The following LSAMP variants were observed in gnomAD, a reference collection of about 807,000 sequenced individuals.
LSAMP encodes limbic system-associated membrane protein.
In LSAMP, 7 loss-of-function variants were observed where a neutral mutation model predicts 38.6. The observed-to-expected ratio is 0.18, with a 90% CI of 0.10 to 0.34. LSAMP has a LOEUF of 0.34. Ranked by LOEUF, LSAMP falls within the 10% of genes least tolerant of loss-of-function variation. LSAMP has a pLI of 1.00. For missense variants in LSAMP, 313 were observed against 420.0 expected, an observed-to-expected ratio of 0.75 and a Z score of 2.23; for synonymous variants, 154 against 166.8, an observed-to-expected ratio of 0.92 and a Z score of 0.59.
chr3:115,906,739 A>C (rs1249603740), intron 3 of LSAMP, among the ~76,000 whole-genome samples: 3 of 152,170 alleles, frequency 2.0e-5, no homozygotes, highest in East Asian at 1.9e-4. Flanking sequence ...GCAGGTGCCC[A>C]TTGAATGTTA....
intron 2 of LSAMP, among the ~76,000 whole-genome samples, chr3:116,076,108 G>C (rs376763716): frequency 6.6e-6 from 1 of 152,024 alleles, no homozygotes; most frequent in African/African-American, 2.4e-5. Flanking sequence ...CACTTTCTCC[G>C]TTATGTTAAA....
chr3:116,208,932 T>C (rs2046110938), intron 1 of LSAMP, among the ~76,000 whole-genome samples: 2 of 152,218 alleles, frequency 1.3e-5, no homozygotes, highest in African/African-American at 4.8e-5. Flanking sequence ...CTCCACCCAG[T>C]TGGAGCTTCC....
intron 6 of LSAMP, among the ~76,000 whole-genome samples, chr3:115,824,486 A>T (rs1181586874): frequency 6.6e-6 from 1 of 152,138 alleles, no homozygotes; most frequent in Non-Finnish European, 1.5e-5. Flanking sequence ...GCAGATCACG[A>T]GGTCAGGAGT....
intron 1 of LSAMP, among the ~76,000 whole-genome samples, chr3:116,358,751 G>A (rs2048261048): frequency 6.6e-6 from 1 of 152,018 alleles, no homozygotes. Flanking sequence ...AAAAATGTGA[G>A]TCACTCAAAT....
chr3:115,930,865 G>A (rs192952730), intron 3 of LSAMP, among the ~76,000 whole-genome samples: 1 of 152,056 alleles, frequency 6.6e-6, no homozygotes, highest in Non-Finnish European at 1.5e-5. Flanking sequence ...TCTTCCTTGG[G>A]ATGAGGATCT....
intron 1 of LSAMP, among the ~76,000 whole-genome samples, chr3:116,256,503 T>C (rs955744874): frequency 6.6e-6 from 1 of 152,180 alleles, no homozygotes; most frequent in African/African-American, 2.4e-5. Context: ...GAAGAATTGG[T>C]TGAAAGAAGT....
chr3:116,287,810 T>A (rs1419926172), intron 1 of LSAMP, among the ~76,000 whole-genome samples: 2 of 152,208 alleles, frequency 1.3e-5, no homozygotes, highest in East Asian at 3.9e-4. Context: ...TGCAGATTTC[T>A]CTGCCTGCTC....
intron 3 of LSAMP, among the ~76,000 whole-genome samples, chr3:115,998,554 G>C (rs1489167603): frequency 6.6e-6 from 1 of 152,030 alleles, no homozygotes; most frequent in Non-Finnish European, 1.5e-5. Flanking sequence ...CATTGTCCTT[G>C]ACCCAGAAGT....
chr3:116,283,549 C>T (rs774924475), intron 1 of LSAMP, among the ~76,000 whole-genome samples: 7 of 152,038 alleles, frequency 4.6e-5, no homozygotes, highest in East Asian at 1.9e-4. Flanking sequence ...CATCTGGCTA[C>T]GTTACTTTAG....
intron 1 of LSAMP, among the ~76,000 whole-genome samples, chr3:116,402,341 T>C (rs957622084): frequency 2.0e-5 from 3 of 152,222 alleles, no homozygotes; most frequent in African/African-American, 4.8e-5. Context: ...CAAACTGTTA[T>C]CTTGTGAAAC....
At chr3:115,954,204 C>A (rs1241802789) in intron 3 of LSAMP, among the ~76,000 whole-genome samples, 1 of 152,162 alleles carries the variant, frequency 6.6e-6, no homozygotes, top group Non-Finnish European at 1.5e-5. Context: ...ATGTCTGCAA[C>A]TTTCCCTCAT....
intron 1 of LSAMP, among the ~76,000 whole-genome samples, chr3:116,112,277 A>C (rs1576370116): frequency 6.6e-6 from 1 of 152,144 alleles, no homozygotes; most frequent in East Asian, 1.9e-4. Flanking sequence ...GTTTTTAATA[A>C]TAAAGAGTAT....
intron 1 of LSAMP, among the ~76,000 whole-genome samples, chr3:116,399,316 G>A (rs1415600794): frequency 6.6e-6 from 1 of 152,200 alleles, no homozygotes; most frequent in Non-Finnish European, 1.5e-5. Context: ...ATAGATTGGA[G>A]GGGCAACACA....
chr3:116,414,878 TTC>T (rs2049028678), intron 1 of LSAMP, among the ~76,000 whole-genome samples: 1 of 152,086 alleles, frequency 6.6e-6, no homozygotes, highest in Non-Finnish European at 1.5e-5. Flanking sequence ...TTACTAAGGT[TTC>T]TCTTTCCTAC....
chr3:116,126,845 G>A (rs1055101906), intron 1 of LSAMP, among the ~76,000 whole-genome samples: 2 of 151,318 alleles, frequency 1.3e-5, no homozygotes, highest in Non-Finnish European at 2.9e-5. Flanking sequence ...CTGGGAGACA[G>A]GGCAAAACTC....
At chr3:116,106,367 T>G (rs1210415648) in intron 1 of LSAMP, among the ~76,000 whole-genome samples, 1 of 152,020 alleles carries the variant, frequency 6.6e-6, no homozygotes, top group East Asian at 1.9e-4. Context: ...GATGACAAGT[T>G]TTTTTTGGGG....
intron 2 of LSAMP, among the ~76,000 whole-genome samples, chr3:116,020,218 G>T (rs78217919): frequency 0.038 from 5,777 of 152,148 alleles, 373 homozygotes; most frequent in African/African-American, 0.13. Flanking sequence ...AAGTATCTTA[G>T]AACTTAAAAC....
At chr3:116,046,635 C>G (rs1447380499) in intron 2 of LSAMP, among the ~76,000 whole-genome samples, 1 of 152,128 alleles carries the variant, frequency 6.6e-6, no homozygotes, top group Non-Finnish European at 1.5e-5. Flanking sequence ...TGCCAGCACC[C>G]CAGCAACGTC....
At chr3:115,818,032 G>A (rs912110385) in intron 6 of LSAMP, among the ~76,000 whole-genome samples, 1 of 152,154 alleles carries the variant, frequency 6.6e-6, no homozygotes, top group African/African-American at 2.4e-5. Context: ...GGAAACTGAG[G>A]CCCAGAGAGG....
Sources: allele counts gnomAD v4.1 joint callset (sites outside exome capture counted in the v4.1 genomes callset), GRCh38; gene constraint gnomAD v4.1.1; transcripts MANE v1.5; gene names NCBI Gene and HGNC (gene_info 2026-07-23, HGNC 2026-07-21).